The following TTLL5 variants were observed in gnomAD, a reference collection of about 807,000 sequenced individuals.
The protein encoded by TTLL5 is tubulin polyglutamylase TTLL5.
In TTLL5, 132 loss-of-function variants were observed where a neutral mutation model predicts 168.4. That is an observed-to-expected ratio of 0.78 (90% CI 0.68 to 0.91). The LOEUF (loss-of-function observed/expected upper bound fraction) is 0.91, where lower values mean the gene tolerates loss of function less well. Among genes scored for constraint, TTLL5 ranks in the 40% least tolerant of loss-of-function variants. The pLI is 0.00. For missense variants in TTLL5, 1,545 were observed against 1,581.5 expected (o/e 0.98, Z 0.39); for synonymous variants, 546 against 558.6 (o/e 0.98, Z 0.32).
chr14:75,863,616 A>G (rs537781116), intron 28 of TTLL5, 51 bp from the exon 29 acceptor site: 1 of 1,512,578 alleles, frequency 6.6e-7, no homozygotes, highest in African/African-American at 1.4e-5. Flanking sequence ...TTTCCTCTAG[A>G]TTGTTCATAC....
intron 23 of TTLL5, among the ~76,000 whole-genome samples, chr14:75,779,344 TAGAC>T (rs969622462): frequency 4.6e-5 from 7 of 152,216 alleles, no homozygotes; most frequent in Admixed American, 1.3e-4. Context: ...GCTACCATAT[TAGAC>T]AGTGTAGATC....
chr14:75,837,282 C>T (rs1191768364), intron 28 of TTLL5: 5 of 152,200 alleles, frequency 3.3e-5, no homozygotes, highest in Non-Finnish European at 7.3e-5. Flanking sequence ...CCACTGGCTG[C>T]TTACATGACC....
At chr14:75,831,014 AAAATT>A (rs1239070786) in intron 28 of TTLL5, among the ~76,000 whole-genome samples, 2 of 152,222 alleles carry the variant, frequency 1.3e-5, no homozygotes, top group African/African-American at 4.8e-5. Flanking sequence ...AGTTTTAATT[AAAATT>A]AAATAAAATG....
intron 27 of TTLL5, among the ~76,000 whole-genome samples, chr14:75,801,260 G>T (rs1225984318): frequency 6.6e-6 from 1 of 152,094 alleles, no homozygotes; most frequent in African/African-American, 2.4e-5. Flanking sequence ...TTCCCAGAGG[G>T]ATTATGGCTG....
chr14:75,952,433 T>G (rs1464168491), intron 31 of TTLL5, among the ~76,000 whole-genome samples: 4 of 152,246 alleles, frequency 2.6e-5, no homozygotes, highest in Non-Finnish European at 5.9e-5. Context: ...ATGGCGTGAC[T>G]GCTTTTGGAA....
chr14:75,721,068 G>A (rs949863542), intron 12 of TTLL5, among the ~76,000 whole-genome samples: 1 of 152,190 alleles, frequency 6.6e-6, no homozygotes, highest in Admixed American at 6.5e-5. Flanking sequence ...AGCTCTGGCT[G>A]GTACCAGTAT....
At chr14:75,825,189 T>A (rs567763060) in intron 28 of TTLL5, among the ~76,000 whole-genome samples, 7 of 152,318 alleles carry the variant, frequency 4.6e-5, no homozygotes, top group African/African-American at 1.4e-4. Flanking sequence ...TCTTGGTAAC[T>A]CTCAGTTCCC....
intron 28 of TTLL5, among the ~76,000 whole-genome samples, chr14:75,862,522 C>T (rs2030103130): frequency 6.6e-6 from 1 of 152,038 alleles, no homozygotes; most frequent in African/African-American, 2.4e-5. Context: ...TAATAATAGC[C>T]AAATGGGAAT....
At chr14:75,735,085 T>G in intron 14 of TTLL5, 110 bp from the exon 15 acceptor site, 85 of 934,080 alleles carry the variant, frequency 9.1e-5, no homozygotes, top group Non-Finnish European at 1.3e-4. Context: ...TAGATCTCTG[T>G]GATATTTATG....
rs537411848 is a variant in TTLL5 at position 75,858,268 on chromosome 14, C to G, written c.3327-5399C>G. Among the ~76,000 whole-genome samples, 7 of 152,198 alleles carry G rather than the reference C, an allele frequency of 4.6e-5. No homozygotes were observed. The South Asian group carries it at 1.5e-3, about 32-fold the overall frequency. ...GTGGGTTTTGTAAAACTGCTCGTGC[C>G]TTAGCACAGATCCAGGCAATGGCAC... On this transcript the variant is annotated intron_variant, in intron 28 of 31. Transcript: ENST00000298832.
intron 20 of TTLL5, among the ~76,000 whole-genome samples, chr14:75,768,248 G>A (rs1891078592): frequency 6.6e-6 from 1 of 152,334 alleles, no homozygotes; most frequent in African/African-American, 2.4e-5. Context: ...ATAAGATCAG[G>A]AAGGAGTAGT....
Position 75,954,536 on chromosome 14 carries a change from G to A in TTLL5, c.*90G>A. ...CCACCAGCACTTCAAGGGGTCCATA[G>A]TATTTTTTTTTTTGCTGCCTCAAAG... On this transcript the variant is annotated 3_prime_UTR_variant, in exon 32 of 32. Transcript: ENST00000298832. 6.7e-7 allele frequency: 1 copy of A among 1,489,290 alleles called. No homozygotes were observed. The highest frequency in any genetic ancestry group is 9.3e-7 in the Non-Finnish European group (1 of 1,080,942). 92.3% of individuals were successfully genotyped at this position (1,489,290 alleles called of 1,614,324 possible).
intron 1 of TTLL5, among the ~76,000 whole-genome samples, chr14:75,662,417 C>T (rs1342097036): frequency 6.6e-6 from 1 of 151,246 alleles, no homozygotes; most frequent in African/African-American, 2.4e-5. Context: ...CTCCGCCTCC[C>T]GGGTTCAAGC....
At chr14:75,883,695 C>T (rs1031637686) in intron 30 of TTLL5, among the ~76,000 whole-genome samples, 5 of 152,144 alleles carry the variant, frequency 3.3e-5, no homozygotes, top group African/African-American at 9.7e-5. Flanking sequence ...GAAAACAATC[C>T]CTTGTGGCTG....
chr14:75,749,402 C>G (rs886314752), intron 17 of TTLL5, among the ~76,000 whole-genome samples: 9 of 151,938 alleles, frequency 5.9e-5, no homozygotes, highest in Admixed American at 4.6e-4. Context: ...AGATAGAAAC[C>G]AAAATACTGT....
intron 31 of TTLL5, among the ~76,000 whole-genome samples, chr14:75,905,428 A>T (rs1053944322): frequency 6.6e-6 from 1 of 152,192 alleles, no homozygotes; most frequent in East Asian, 1.9e-4. Flanking sequence ...TTTCCTATAG[A>T]TGGTGGCTTA....
rs80243410 is a variant in TTLL5 at position 75,683,338 on chromosome 14, T to G, written c.265-212T>G. 7.9e-5 allele frequency among the ~76,000 whole-genome samples: 12 copies of G among 152,364 alleles called. No individual in the cohort carries two copies. The East Asian group carries it at 2.1e-3, about 27-fold the overall frequency. On this transcript the variant is annotated intron_variant, in intron 4 of 31. Transcript: ENST00000298832. ...TATAGAAGGGTTAATTTATTTTAGTTTCTGCATCGGGGATTTGCCCAACCC... is the reference window on the plus strand; with the variant it reads ...TATAGAAGGGTTAATTTATTTTAGTGTCTGCATCGGGGATTTGCCCAACCC...
At chr14:75,797,027 A>G (rs1037322792) in intron 27 of TTLL5, among the ~76,000 whole-genome samples, 39 of 152,100 alleles carry the variant, frequency 2.6e-4, no homozygotes, top group African/African-American at 8.2e-4. Flanking sequence ...TCATTTTCAC[A>G]ATATTGATTC....
At chr14:75,730,353 C>G (rs1438715937) in intron 12 of TTLL5, among the ~76,000 whole-genome samples, 1 of 152,158 alleles carries the variant, frequency 6.6e-6, no homozygotes, top group East Asian at 1.9e-4. Context: ...GCTATGAATT[C>G]ATTGCGAAAA....
Sources: allele counts gnomAD v4.1 joint callset (sites outside exome capture counted in the v4.1 genomes callset), GRCh38; gene constraint gnomAD v4.1.1; transcripts MANE v1.5; gene names NCBI Gene and HGNC (gene_info 2026-07-23, HGNC 2026-07-21).